The following CAPN14 variants were observed in gnomAD, a reference collection of about 807,000 sequenced individuals.
CAPN14 encodes calpain-14.
In CAPN14, 94 loss-of-function variants were observed where a neutral mutation model predicts 101.3. The observed-to-expected ratio is 0.93, with a 90% confidence interval of 0.79 to 1.10. The LOEUF (loss-of-function observed/expected upper bound fraction) is 1.10. Ranked by LOEUF, CAPN14 falls within the 50% of genes least tolerant of loss-of-function variation. The pLI, the probability that CAPN14 is intolerant of heterozygous loss-of-function variation, is 0.00. For missense variants in CAPN14, 837 were observed against 828.4 expected, an observed-to-expected ratio of 1.01 and a Z score of -0.13; for synonymous variants, 338 against 317.9, an observed-to-expected ratio of 1.06 and a Z score of -0.67.
intron 1 of CAPN14, among the ~76,000 whole-genome samples, chr2:31,211,000 G>C (rs770528495): frequency 2.0e-5 from 3 of 151,914 alleles, no homozygotes; most frequent in Non-Finnish European, 2.9e-5. Context: ...TATTTTCCTA[G>C]GATAAATTTG....
chr2:31,213,055 A>T (rs1272967576), intron 1 of CAPN14, among the ~76,000 whole-genome samples: 1 of 152,248 alleles, frequency 6.6e-6, no homozygotes, highest in Non-Finnish European at 1.5e-5. Flanking sequence ...AAGACTAACT[A>T]TAGGCTTTGC....
At chr2:31,223,928 A>T (rs1304368701) in intron 2 of CAPN14, among the ~76,000 whole-genome samples, 1 of 152,210 alleles carries the variant, frequency 6.6e-6, no homozygotes, top group Admixed American at 6.5e-5. Flanking sequence ...AACACCTGAC[A>T]TATAACAGGC....
intron 11 of CAPN14, 62 bp downstream of exon 11, chr2:31,191,873 T>C: frequency 1.4e-6 from 2 of 1,395,968 alleles, no homozygotes; most frequent in Non-Finnish European, 1.9e-6. Context: ...CAGGAAGACA[T>C]GGTAACTGTT....
At chr2:31,181,958 T>C (rs1446548381) in intron 16 of CAPN14, among the ~76,000 whole-genome samples, 1 of 151,946 alleles carries the variant, frequency 6.6e-6, no homozygotes. Flanking sequence ...GTCTTTGCTA[T>C]TGTGAATAGT....
chr2:31,186,340 C>A, intron 16 of CAPN14, 88 bp downstream of exon 16: 1 of 888,290 alleles, frequency 1.1e-6, no homozygotes, highest in Non-Finnish European at 1.7e-6. Flanking sequence ...GTAATTCACA[C>A]ATCCCACCAA....
intron 17 of CAPN14, among the ~76,000 whole-genome samples, chr2:31,179,077 T>C (rs1467011891): frequency 6.8e-6 from 1 of 146,456 alleles, no homozygotes; most frequent in Non-Finnish European, 1.5e-5. Flanking sequence ...TATATATATA[T>C]ATATATATAT....
In CAPN14 at chr2:31,205,556, C is replaced by A. The variant is rs1447260071; in HGVS notation, c.-52-57G>T. 31 of 875,512 alleles carry A rather than the reference C, an allele frequency of 3.5e-5. No homozygotes were observed. The South Asian group carries it at 4.7e-4, about 13-fold the overall frequency. The allele number at this position is 875,512 out of a possible 1,614,324, so 54.2% of individuals were successfully genotyped here. A position where few individuals can be genotyped will look rare whatever the true frequency, so the allele number is the denominator to read the frequency against. On this transcript the variant is annotated intron_variant, in intron 1 of 21. Coordinates refer to ENST00000403897, the MANE Select transcript of CAPN14 (RefSeq NM_001145122.2). ...ACTTCCTCCTTGTGCTTTGCCATTGCCACAGAGACGAGGGGAAGGATGGAG... is the reference window on the plus strand; with the variant it reads ...ACTTCCTCCTTGTGCTTTGCCATTGACACAGAGACGAGGGGAAGGATGGAG...
intron 8 of CAPN14, among the ~76,000 whole-genome samples, chr2:31,196,075 G>A (rs544061938): frequency 1.3e-5 from 2 of 152,286 alleles, no homozygotes; most frequent in East Asian, 3.9e-4. Flanking sequence ...ATAAAAAGGG[G>A]AGAAATGGAA....
At chr2:31,183,167 C>G (rs1327055384) in intron 16 of CAPN14, among the ~76,000 whole-genome samples, 1 of 151,354 alleles carries the variant, frequency 6.6e-6, no homozygotes, top group Non-Finnish European at 1.5e-5. Context: ...CTTCCTTACA[C>G]CTTATACAAA....
chr2:31,212,113 C>A (rs1162662524), intron 1 of CAPN14, among the ~76,000 whole-genome samples: 1 of 152,036 alleles, frequency 6.6e-6, no homozygotes, highest in East Asian at 1.9e-4. Context: ...AGTTCAAGAC[C>A]AGCTTGGCCA....
intron 17 of CAPN14, among the ~76,000 whole-genome samples, chr2:31,179,964 A>G (rs944236786): frequency 6.6e-6 from 1 of 152,234 alleles, no homozygotes; most frequent in Non-Finnish European, 1.5e-5. Context: ...TTATTATTTT[A>G]AAAACCAGCT....
At chr2:31,213,788 C>A (rs6711677) in intron 1 of CAPN14, among the ~76,000 whole-genome samples, 86,774 of 152,078 alleles carry the variant, frequency 0.57, 25,804 homozygotes, top group East Asian at 0.94. Context: ...GATGTGATAA[C>A]ATCAGACATT....
rs959378483 is a variant in CAPN14 at position 31,198,792 on chromosome 2, C to T, written c.789+678G>A. Among the ~76,000 whole-genome samples the T allele has an allele frequency of 3.3e-5, 5 of 152,254 alleles. No homozygotes were observed. The South Asian group carries it at 6.2e-4, about 19-fold the overall frequency. On this transcript the variant is annotated intron_variant, in intron 7 of 21. Transcript: ENST00000403897. Reference sequence around the variant, plus strand: ...ACTTCTTATCTCCATGCTTTGCTTACACTGCTCCCTCCACCAGAATGCCCT... The same window carrying T: ...ACTTCTTATCTCCATGCTTTGCTTATACTGCTCCCTCCACCAGAATGCCCT...
At chr2:31,216,988 C>A (rs72859373) in intron 1 of CAPN14, among the ~76,000 whole-genome samples, 18,804 of 152,142 alleles carry the variant, frequency 0.12, 1,626 homozygotes, top group African/African-American at 0.25. Flanking sequence ...AGAGAACAGT[C>A]GGCCTCCTTG....
intron 1 of CAPN14, among the ~76,000 whole-genome samples, chr2:31,231,389 T>C (rs995327743): frequency 3.3e-5 from 5 of 152,128 alleles, no homozygotes; most frequent in East Asian, 1.9e-4. Flanking sequence ...TCCCATTTAC[T>C]TAGAACTTCT....
chr2:31,216,586 C>G (rs149217700), intron 1 of CAPN14, among the ~76,000 whole-genome samples: 2 of 152,204 alleles, frequency 1.3e-5, no homozygotes, highest in East Asian at 3.9e-4. Flanking sequence ...CTAACTCATC[C>G]AAGAATTCTC....
intron 6 of CAPN14, 88 bp downstream of exon 6, chr2:31,200,362 AG>A: frequency 8.2e-7 from 1 of 1,212,342 alleles, no homozygotes; most frequent in Non-Finnish European, 1.1e-6. Flanking sequence ...GGAGGCCCTG[AG>A]CCCACACCCA....
chr2:31,203,030 G>C lies in CAPN14; in HGVS notation c.295+40C>G, dbSNP rs894543626. 4.6e-6 allele frequency: 7 copies of C among 1,514,600 alleles called. No individual in the cohort carries two copies. The African/African-American group carries it at 9.7e-5, about 21-fold the overall frequency. 93.8% of individuals were successfully genotyped at this position (1,514,600 alleles called of 1,614,324 possible). ...CTGTCTTGGCCAGGCCTGGTCAGCA[G>C]GCAGCCTAGTGTCTGTCTCTCGGGG... On this transcript the variant is annotated intron_variant, in intron 3 of 21. Coordinates refer to ENST00000403897, the MANE Select transcript of CAPN14 (RefSeq NM_001145122.2).
chr2:31,193,214 G>T lies in CAPN14; in HGVS notation c.1031C>A (p.Ala344Glu), dbSNP rs777982709. The T allele has an allele frequency of 1.3e-6, 2 of 1,551,492 alleles. No homozygotes were observed. The highest frequency in any genetic ancestry group is 2.4e-5 in the East Asian group (1 of 40,924). Residue 344 changes from alanine to glutamate, a missense_variant, in exon 10 of 22, where the codon GCG becomes GAG. By Grantham distance (107) the Ala-to-Glu change is moderately radical. Transcript: ENST00000403897. ...CATGGTGTACGTCCACTTCTGGGCC[G>T]CCTCCTGGCTCAACAGGCCTGGGGT... The part of the protein sequence containing the change: ...KLTPGLLSQE[A>E]AQKWTYTMRE...
Sources: allele counts gnomAD v4.1 joint callset (sites outside exome capture counted in the v4.1 genomes callset), GRCh38; gene constraint gnomAD v4.1.1; transcripts MANE v1.5; gene names NCBI Gene and HGNC (gene_info 2026-07-23, HGNC 2026-07-21).